STT3B: variants seen among roughly 807,000 people sequenced by gnomAD.
The protein encoded by STT3B is dolichyl-diphosphooligosaccharide--protein glycosyltransferase subunit STT3B.
STT3B carries 29 observed loss-of-function variants against 96.8 expected under a neutral mutation model. That is an observed-to-expected ratio of 0.30 (90% CI 0.22 to 0.41). The LOEUF (loss-of-function observed/expected upper bound fraction) is 0.41, where lower values mean the gene tolerates loss of function less well. STT3B is among the 10% of genes least tolerant of loss of function. The pLI, the probability that STT3B is intolerant of heterozygous loss-of-function variation, is 1.00. For synonymous variants in STT3B, 367 were observed against 360.0 expected (o/e 1.02, Z -0.22); for missense variants, 640 against 1,022.3 (o/e 0.63, Z 5.10).
intron 1 of STT3B, among the ~76,000 whole-genome samples, chr3:31,544,558 A>G (rs546334894): frequency 6.6e-6 from 1 of 152,360 alleles, no homozygotes; most frequent in African/African-American, 2.4e-5. Context: ...TGATCTCACA[A>G]GATGTTTTTG....
intron 15 of STT3B, among the ~76,000 whole-genome samples, chr3:31,633,564 G>C (rs1362767138): frequency 6.6e-6 from 1 of 151,936 alleles, no homozygotes. Flanking sequence ...AATAGGTTTG[G>C]GTTGGGTGAG....
chr3:31,604,986 G>C (rs1221905540), intron 5 of STT3B, among the ~76,000 whole-genome samples: 1 of 152,178 alleles, frequency 6.6e-6, no homozygotes, highest in Non-Finnish European at 1.5e-5. Context: ...TTACCTTACA[G>C]ATTGTTAAGG....
chr3:31,554,319 A>G (rs1697639561), intron 1 of STT3B, among the ~76,000 whole-genome samples: 1 of 152,188 alleles, frequency 6.6e-6, no homozygotes, highest in Non-Finnish European at 1.5e-5. Context: ...TGGTCATTTA[A>G]TCTTTTTGAT....
chr3:31,580,156 T>A, intron 3 of STT3B, 60 bp downstream of exon 3: 2 of 1,530,494 alleles, frequency 1.3e-6, no homozygotes, highest in Non-Finnish European at 1.8e-6. Flanking sequence ...CTGAAACACT[T>A]TAGGCTGTAC....
intron 1 of STT3B, among the ~76,000 whole-genome samples, chr3:31,551,039 T>C (rs1697543836): frequency 6.6e-6 from 1 of 152,198 alleles, no homozygotes; most frequent in African/African-American, 2.4e-5. Flanking sequence ...TGGTACCTTA[T>C]ATAGCCTGAG....
At chr3:31,544,402 A>G (rs1697351482) in intron 1 of STT3B, among the ~76,000 whole-genome samples, 1 of 152,180 alleles carries the variant, frequency 6.6e-6, no homozygotes, top group Admixed American at 6.5e-5. Flanking sequence ...AATATTGTAG[A>G]TATTGTGGGT....
At chr3:31,548,682 C>T (rs1046969493) in intron 1 of STT3B, among the ~76,000 whole-genome samples, 2 of 152,120 alleles carry the variant, frequency 1.3e-5, no homozygotes, top group Non-Finnish European at 2.9e-5. Flanking sequence ...TCTTTCTCTG[C>T]TCCGTCATTA....
intron 3 of STT3B, among the ~76,000 whole-genome samples, chr3:31,580,701 A>G (rs1008856870): frequency 2.0e-5 from 3 of 152,114 alleles, no homozygotes; most frequent in African/African-American, 7.2e-5. Context: ...TTTAATAATT[A>G]TTTTATATTG....
At chr3:31,595,474 G>C (rs533515932) in intron 3 of STT3B, among the ~76,000 whole-genome samples, 1 of 152,092 alleles carries the variant, frequency 6.6e-6, no homozygotes, top group African/African-American at 2.4e-5. Context: ...TGCCTGCTTT[G>C]ACATTTTGAC....
intron 3 of STT3B, among the ~76,000 whole-genome samples, chr3:31,583,853 A>C (rs1364877712): frequency 2.0e-5 from 3 of 151,802 alleles, no homozygotes; most frequent in Admixed American, 2.0e-4. Flanking sequence ...GAATCCCTTT[A>C]CTTTTGAGCA....
chr3:31,619,849 GA>G lies in STT3B; in HGVS notation c.1327+21del. On this transcript the variant is annotated intron_variant, in intron 9 of 15. Transcript: ENST00000295770. ...GTATTTGGTAAGAGAGGTTTTTAATGAATACTTTGATATGGAATAGTTATTT... is the reference window on the plus strand; with the variant it reads ...GTATTTGGTAAGAGAGGTTTTTAATGATACTTTGATATGGAATAGTTATTT... 2 of 1,596,326 alleles carry G rather than the reference GA, an allele frequency of 1.3e-6. No homozygotes were observed. Among genetic ancestry groups the G allele is most frequent in the Non-Finnish European group, 1.7e-6 (2 of 1,174,952 alleles).
chr3:31,548,580 G>T (rs1475516425), intron 1 of STT3B, among the ~76,000 whole-genome samples: 1 of 152,086 alleles, frequency 6.6e-6, no homozygotes, highest in East Asian at 1.9e-4. Flanking sequence ...TGTTAAGGAT[G>T]GTAAAGCTTC....
chr3:31,546,346 G>T (rs1174842837), intron 1 of STT3B, among the ~76,000 whole-genome samples: 1 of 152,138 alleles, frequency 6.6e-6, no homozygotes, highest in Non-Finnish European at 1.5e-5. Context: ...AGAATGTTTG[G>T]GATGCCTGGA....
At chr3:31,559,079 T>C (rs1252585135) in intron 1 of STT3B, among the ~76,000 whole-genome samples, 3 of 150,992 alleles carry the variant, frequency 2.0e-5, no homozygotes, top group African/African-American at 7.3e-5. Context: ...AAGTGCCTTA[T>C]TGGTTTTTTT....
chr3:31,616,423 G>C lies in STT3B; in HGVS notation c.977-506G>C, dbSNP rs561093495. Among the ~76,000 whole-genome samples, 37 of 151,932 alleles carry C rather than the reference G, an allele frequency of 2.4e-4. No individual in the cohort carries two copies. In the East Asian group the frequency reaches 6.9e-3, roughly 29 times the overall value. On this transcript the variant is annotated intron_variant, in intron 6 of 15. Coordinates refer to ENST00000295770, the MANE Select transcript of STT3B (RefSeq NM_178862.3). ...TCAAATGCCAAGATGCCATAATTTGGCATGAGCCCTGATACAAATTTAGAA... is the reference window on the plus strand; with the variant it reads ...TCAAATGCCAAGATGCCATAATTTGCCATGAGCCCTGATACAAATTTAGAA...
chr3:31,602,646 A>G (rs924486994), intron 5 of STT3B, among the ~76,000 whole-genome samples: 2 of 144,258 alleles, frequency 1.4e-5, no homozygotes, highest in East Asian at 2.1e-4. Context: ...AGGCCTTTGT[A>G]TTTGGTAGCT....
In STT3B at chr3:31,637,418, T is replaced by G. The variant is rs1699778465; in HGVS notation, c.*1354T>G. On this transcript the variant is annotated 3_prime_UTR_variant, in exon 16 of 16. Coordinates refer to ENST00000295770, the MANE Select transcript of STT3B (RefSeq NM_178862.3). ...TCCAAGGTGTAGAATATTCTTTGAT[T>G]TATAGAATTCATTTTTGACCCAGAT... is the stretch of plus-strand genomic sequence containing the variant. 1 of 152,200 alleles carries G rather than the reference T, an allele frequency of 6.6e-6. No homozygotes were observed. Among genetic ancestry groups the G allele is most frequent in the African/African-American group, 2.4e-5 (1 of 41,454 alleles). The allele number at this position is 152,200 out of a possible 1,614,324, so 9.4% of individuals were successfully genotyped here.
intron 3 of STT3B, among the ~76,000 whole-genome samples, chr3:31,589,921 G>A (rs553843728): frequency 3.3e-5 from 5 of 151,804 alleles, no homozygotes; most frequent in South Asian, 4.2e-4. Context: ...AATAATTCTC[G>A]TAGGATTGGT....
intron 5 of STT3B, among the ~76,000 whole-genome samples, chr3:31,604,442 A>AT (rs1212058284): frequency 3.3e-5 from 5 of 152,178 alleles, no homozygotes; most frequent in African/African-American, 1.2e-4. Flanking sequence ...AAAATCCAGC[A>AT]TTAAAAAAAG....
Sources: allele counts gnomAD v4.1 joint callset (sites outside exome capture counted in the v4.1 genomes callset), GRCh38; gene constraint gnomAD v4.1.1; transcripts MANE v1.5; gene names NCBI Gene and HGNC (gene_info 2026-07-23, HGNC 2026-07-21).